SPNS3: variants seen among roughly 807,000 people sequenced by gnomAD.
The protein encoded by SPNS3 is protein spinster homolog 3.
Under a neutral mutation model 54.4 loss-of-function variants are expected in SPNS3, and 51 were observed. The observed-to-expected ratio is 0.94, with a 90% confidence interval of 0.75 to 1.18. The LOEUF (loss-of-function observed/expected upper bound fraction) is 1.18, where lower values mean the gene tolerates loss of function less well. Ranked by LOEUF, SPNS3 falls within the 50% of genes most tolerant of loss-of-function variation. The pLI is 0.00. For synonymous variants in SPNS3, 309 were observed against 294.7 expected (o/e 1.05, Z -0.50); for missense variants, 669 against 677.4 (o/e 0.99, Z 0.14).
rs1448287954 is a variant in SPNS3, at chr17:4,453,043, G to A, written c.951G>A (p.Met317Ile). The A allele has an allele frequency of 6.2e-7, 1 of 1,613,980 alleles. No homozygotes were observed. The highest frequency in any genetic ancestry group is 8.5e-7 in the Non-Finnish European group (1 of 1,179,894). ...TGATTTTTGGGGCACTGACCATCATGACCGGCGTCATTGGGGTCATCTTGG... is the reference window on the plus strand; with the variant it reads ...TGATTTTTGGGGCACTGACCATCATAACCGGCGTCATTGGGGTCATCTTGG... ...DSLIFGALTI[M>I]TGVIGVILGA... The change falls in exon 8 of 12, where the codon ATG (methionine) becomes ATA (isoleucine). Residue 317 changes from methionine (M) to isoleucine (I), a missense_variant. Transcript: ENST00000355530.
chr17:4,466,256 C>CA (rs1971672366), intron 8 of SPNS3, among the ~76,000 whole-genome samples: 2 of 152,120 alleles, frequency 1.3e-5, no homozygotes, highest in Non-Finnish European at 2.9e-5. Flanking sequence ...AAATCAACAC[C>CA]ATAGGCCAGG....
At chr17:4,446,266 G>A in intron 4 of SPNS3, 67 bp downstream of exon 4, 1 of 1,535,808 alleles carries the variant, frequency 6.5e-7, no homozygotes. Flanking sequence ...CAGAACAGGG[G>A]CTGGACCTGG....
At chr17:4,485,096 T>C (rs891607725) in intron 9 of SPNS3, 4 of 152,274 alleles carry the variant, frequency 2.6e-5, no homozygotes, top group Admixed American at 2.0e-4. Flanking sequence ...ATGACAAATA[T>C]AGATGCTCCA....
At chr17:4,436,274 A>G (rs1970717390) in intron 1 of SPNS3, among the ~76,000 whole-genome samples, 1 of 152,184 alleles carries the variant, frequency 6.6e-6, no homozygotes, top group Non-Finnish European at 1.5e-5. Context: ...TCAGCATGCC[A>G]GAGAGTGGCT....
chr17:4,447,362 C>T (rs1301565884), intron 5 of SPNS3, among the ~76,000 whole-genome samples: 3 of 152,310 alleles, frequency 2.0e-5, no homozygotes, highest in East Asian at 1.9e-4. Flanking sequence ...TAGGCTTGCT[C>T]AGCAGTTCAG....
In SPNS3 at chr17:4,439,645, C is replaced by T. The variant is rs370729494; in HGVS notation, c.200-13C>T. On this transcript the variant is annotated splice_polypyrimidine_tract_variant and intron_variant, in intron 1 of 11. Transcript: ENST00000355530. ...TACTTCCCGTTTCCTGAGCACTGTC[C>T]CTCTGTCTGCAGGAGTGCTGCTGGA... 1.9e-6 allele frequency: 3 copies of T among 1,611,500 alleles called. No individual in the cohort carries two copies. The highest frequency in any genetic ancestry group is 1.1e-5 in the South Asian group (1 of 90,310).
At chr17:4,477,953 T>G (rs796117582) in intron 8 of SPNS3, among the ~76,000 whole-genome samples, 3 of 144,732 alleles carry the variant, frequency 2.1e-5, no homozygotes, top group African/African-American at 7.9e-5. Flanking sequence ...CTAAAGTCTG[T>G]TTTTTTTTCA....
At chr17:4,465,659 G>A (rs1310737060) in intron 8 of SPNS3, among the ~76,000 whole-genome samples, 1 of 152,122 alleles carries the variant, frequency 6.6e-6, no homozygotes, top group Non-Finnish European at 1.5e-5. Flanking sequence ...CACAGGAGGC[G>A]GAGGTTATAG....
intron 8 of SPNS3, among the ~76,000 whole-genome samples, chr17:4,469,749 C>T (rs1035132944): frequency 2.0e-5 from 3 of 152,040 alleles, no homozygotes; most frequent in Admixed American, 6.6e-5. Context: ...ACCTGAAGCT[C>T]GAGCTTGGAC....
chr17:4,444,553 G>A (rs914839174), intron 2 of SPNS3, among the ~76,000 whole-genome samples: 7 of 152,120 alleles, frequency 4.6e-5, no homozygotes, highest in Non-Finnish European at 5.9e-5. Flanking sequence ...GTCCTCATCT[G>A]CTGCTCAGAG....
intron 8 of SPNS3, among the ~76,000 whole-genome samples, chr17:4,454,345 G>A (rs1295405198): frequency 1.3e-5 from 2 of 152,262 alleles, no homozygotes; most frequent in African/African-American, 2.4e-5. Flanking sequence ...CACAAGCAGA[G>A]GGGCTAGACC....
chr17:4,468,226 A>G (rs1289342215), intron 8 of SPNS3, among the ~76,000 whole-genome samples: 1 of 152,174 alleles, frequency 6.6e-6, no homozygotes, highest in Non-Finnish European at 1.5e-5. Flanking sequence ...GAATCGCTTG[A>G]GCTTAAGCTC....
intron 8 of SPNS3, among the ~76,000 whole-genome samples, chr17:4,469,618 C>T (rs1971801737): frequency 1.1e-5 from 1 of 89,590 alleles, no homozygotes; most frequent in Admixed American, 1.2e-4. Flanking sequence ...GAGACTCCAT[C>T]TCAAAAAAAA....
chr17:4,462,836 TTCAACCACGCACCCAC>T (rs1567566824), intron 8 of SPNS3, among the ~76,000 whole-genome samples: 1 of 40,426 alleles, frequency 2.5e-5, no homozygotes, highest in Non-Finnish European at 5.4e-5. Flanking sequence ...CATCCATCCA[TTCAACCACGCACCCAC>T]CCACCCACCC....
intron 4 of SPNS3, 93 bp from the exon 5 acceptor site, chr17:4,446,803 G>A (rs1380447029): frequency 2.1e-5 from 25 of 1,211,548 alleles, no homozygotes. Flanking sequence ...GCTCCCTGGG[G>A]CGTGGGGGGG....
intron 8 of SPNS3, among the ~76,000 whole-genome samples, chr17:4,471,082 G>A (rs774774531): frequency 6.6e-6 from 1 of 152,084 alleles, no homozygotes. Context: ...GCGACACCAC[G>A]CCCAGCTAAT....
In SPNS3 at chr17:4,452,607, G is replaced by A. The variant is rs115806904; in HGVS notation, c.924-409G>A. The stretch of plus-strand genomic sequence containing the variant: ...TGTTTGCTTCCCTCCATTCCTCTTA[G>A]TACTGGGAGCTGGAAAGAGAGAAGG... On this transcript the variant is annotated intron_variant, in intron 7 of 11. Coordinates refer to ENST00000355530, the MANE Select transcript of SPNS3 (RefSeq NM_182538.5). 9.8e-3 allele frequency among the ~76,000 whole-genome samples: 1,485 copies of A among 152,182 alleles called. 14 individuals carry two copies. The highest frequency in any genetic ancestry group is 0.019 in the African/African-American group (805 of 41,510).
rs1040152426 is a variant in SPNS3, at chr17:4,485,491, G to A, written c.1180-737G>A. Among the ~76,000 whole-genome samples the A allele has an allele frequency of 2.8e-4, 43 of 151,636 alleles. 1 individual carries two copies. The highest frequency in any genetic ancestry group is 5.3e-4 in the African/African-American group (22 of 41,336). ...CAGCTCACTGCAACCTCCGCCTCCCGTGTTCAAGCAATTCTCCTGCCTCAA... is the reference window on the plus strand; with the variant it reads ...CAGCTCACTGCAACCTCCGCCTCCCATGTTCAAGCAATTCTCCTGCCTCAA... On this transcript the variant is annotated intron_variant, in intron 9 of 11. Transcript: ENST00000355530.
chr17:4,443,248 T>C (rs1019612089), intron 2 of SPNS3, among the ~76,000 whole-genome samples: 1 of 152,250 alleles, frequency 6.6e-6, no homozygotes, highest in South Asian at 2.1e-4. Context: ...CTTCTGTATT[T>C]TTAGTAGAGA....
Sources: gnomAD v4.1 joint callset for allele counts (sites outside exome capture counted in the v4.1 genomes callset) on GRCh38, gnomAD v4.1.1 for gene constraint, MANE v1.5 for transcripts, NCBI Gene and HGNC (gene_info 2026-07-23, HGNC 2026-07-21) for gene names.